ANKRD36C: variants seen among roughly 807,000 people sequenced by gnomAD.
ANKRD36C encodes the protein ankyrin repeat domain 36C.
ANKRD36C carries 61 observed loss-of-function variants against 276.4 expected under a neutral mutation model. The observed-to-expected ratio is 0.22, with a 90% CI of 0.18 to 0.27. ANKRD36C has a LOEUF of 0.27. Ranked by LOEUF, ANKRD36C falls within the 10% of genes least tolerant of loss-of-function variation. ANKRD36C has a pLI of 1.00. For missense variants in ANKRD36C, 1,447 were observed against 2,032.3 expected (o/e 0.71, Z 5.54); for synonymous variants, 483 against 680.1 (o/e 0.71, Z 4.51).
At chr2:95,964,631 T>C (rs1458925189) in intron 6 of ANKRD36C, among the ~76,000 whole-genome samples, 7 of 152,188 alleles carry the variant, frequency 4.6e-5, no homozygotes, top group Middle Eastern at 3.4e-3. Flanking sequence ...AGCAGCCCCA[T>C]GGCTTCCTCT....
chr2:95,988,162 AAAC>A (rs1017181595), intron 1 of ANKRD36C, among the ~76,000 whole-genome samples: 1 of 151,854 alleles, frequency 6.6e-6, no homozygotes, highest in African/African-American at 2.4e-5. Flanking sequence ...AAAAAAAAAA[AAAC>A]AACAAATTTT....
intron 42 of ANKRD36C, among the ~76,000 whole-genome samples, chr2:95,909,305 T>C (rs568901273): frequency 1.3e-4 from 10 of 74,880 alleles, no homozygotes; most frequent in African/African-American, 5.3e-4. Flanking sequence ...TCTGCCTAAG[T>C]TTCTTGTATC....
At chr2:95,888,788 A>C (rs1676264267) in intron 48 of ANKRD36C, among the ~76,000 whole-genome samples, 1 of 151,680 alleles carries the variant, frequency 6.6e-6, no homozygotes, top group East Asian at 1.9e-4. Flanking sequence ...CCAAAGGATA[A>C]TATATTAGCC....
In ANKRD36C at chr2:95,902,442, G is replaced by C. The variant is rs563971644; in HGVS notation, c.2654-3106C>G. ...CTGCCTCACAATCCGTCTCCCTTAG[G>C]AAAATAGTTGCTACACCAGGGGTCT... On this transcript the variant is annotated intron_variant, in intron 42 of 66. Coordinates refer to ENST00000456556, the Ensembl canonical transcript of ANKRD36C. Among the ~76,000 whole-genome samples, 9 of 150,228 alleles carry C rather than the reference G, an allele frequency of 6.0e-5. 2 individuals carry two copies. The highest frequency in any genetic ancestry group is 2.0e-4 in the African/African-American group (8 of 40,868).
chr2:95,903,562 G>A (rs1322606955), intron 42 of ANKRD36C, among the ~76,000 whole-genome samples: 1 of 151,496 alleles, frequency 6.6e-6, no homozygotes, highest in Non-Finnish European at 1.5e-5. Flanking sequence ...CAATTCAGTT[G>A]AACGTACACT....
At chr2:95,849,292 T>C (rs1573712319), downstream of ANKRD36C, among the ~76,000 whole-genome samples, 1 of 152,178 alleles carries the variant, frequency 6.6e-6, no homozygotes, top group Non-Finnish European at 1.5e-5. Context: ...ACTCCTGACC[T>C]CAAGTGGTCC....
At chr2:95,878,843 C>G (rs753035820) in intron 58 of ANKRD36C, among the ~76,000 whole-genome samples, 1 of 152,006 alleles carries the variant, frequency 6.6e-6, no homozygotes, top group Admixed American at 6.6e-5. Context: ...AAAGCAGAAC[C>G]CTCGTACACC....
In ANKRD36C at chr2:95,916,176, A is replaced by G. The variant is rs1489676856; in HGVS notation, c.2348-5T>C. The G allele has an allele frequency of 6.2e-7, 1 of 1,604,508 alleles. No homozygotes were observed. On this transcript the variant is annotated splice_polypyrimidine_tract_variant and splice_region_variant and intron_variant, in intron 36 of 66. Coordinates refer to ENST00000456556, the Ensembl canonical transcript of ANKRD36C. The stretch of plus-strand genomic sequence containing the variant: ...CTGGTTTTTTCCGAGAAGACACTGA[A>G]AAGCAAAAGGGACACGTAATCACTC...
At chr2:95,893,396 C>T (rs952949171) in intron 44 of ANKRD36C, 137 bp downstream of exon 64, 5 of 1,262,502 alleles carry the variant, frequency 4.0e-6, no homozygotes, top group Admixed American at 4.5e-5. Flanking sequence ...CACCCAAGAA[C>T]TTACTACAAA....
chr2:95,985,868 G>T (rs1679016565), intron 3 of ANKRD36C, among the ~76,000 whole-genome samples: 1 of 151,978 alleles, frequency 6.6e-6, no homozygotes, highest in Non-Finnish European at 1.5e-5. Context: ...TATAAGCTCC[G>T]TATCTCCCAC....
At chr2:95,923,861 C>T (rs1677340473) in intron 30 of ANKRD36C, among the ~76,000 whole-genome samples, 172 bp from the exon 31 acceptor site, 3 of 151,444 alleles carry the variant, frequency 2.0e-5, no homozygotes, top group Non-Finnish European at 4.4e-5. Flanking sequence ...AAAAGAAATA[C>T]AGGTTTCACA....
chr2:95,988,736 C>T (rs1679080759), intron 1 of ANKRD36C, among the ~76,000 whole-genome samples: 1 of 152,090 alleles, frequency 6.6e-6, no homozygotes, highest in Non-Finnish European at 1.5e-5. Context: ...AAATTGTTTG[C>T]TTATATGTAA....
intron 60 of ANKRD36C, among the ~76,000 whole-genome samples, chr2:95,860,569 T>C (rs1675551109): frequency 6.6e-6 from 1 of 152,118 alleles, no homozygotes. Context: ...TCTGAATGAA[T>C]AAAAAACAAA....
exon 45 of ANKRD36C, chr2:95,891,843 A>C (rs1045190189): frequency 1.7e-5 from 26 of 1,563,102 alleles, no homozygotes; most frequent in Non-Finnish European, 2.1e-5. Context: ...TTCAAGCCTG[A>C]TGGTTTCTCA....
chr2:95,958,002 C>T (rs1293625653), intron 12 of ANKRD36C, among the ~76,000 whole-genome samples: 1 of 152,196 alleles, frequency 6.6e-6, no homozygotes, highest in Non-Finnish European at 1.5e-5. Flanking sequence ...CCAGGAGCAG[C>T]CAAAATCAAA....
intron 42 of ANKRD36C, among the ~76,000 whole-genome samples, chr2:95,902,095 T>G (rs1442984882): frequency 6.8e-6 from 1 of 146,852 alleles, no homozygotes; most frequent in Admixed American, 6.7e-5. Flanking sequence ...CTAAAGAAGT[T>G]TCATTAAATA....
chr2:95,853,601 T>TA (rs879596002), intron 64 of ANKRD36C, 108 bp downstream of exon 84: 145 of 1,152,266 alleles, frequency 1.3e-4, no homozygotes, highest in Non-Finnish European at 1.7e-4. Flanking sequence ...TTAATTATCA[T>TA]AAAAATACAA....
intron 26 of ANKRD36C, among the ~76,000 whole-genome samples, chr2:95,928,440 C>T (rs1324188919): frequency 6.6e-6 from 1 of 151,440 alleles, no homozygotes; most frequent in African/African-American, 2.4e-5. Context: ...TGGTTTATCC[C>T]GATTCTAGCA....
intron 54 of ANKRD36C, among the ~76,000 whole-genome samples, chr2:95,883,841 A>G (rs1400504771): frequency 1.3e-5 from 2 of 151,968 alleles, no homozygotes; most frequent in African/African-American, 4.8e-5. Context: ...TGTAAAATCT[A>G]TACTTCATCT....
Sources: gnomAD v4.1 joint callset for allele counts (sites outside exome capture counted in the v4.1 genomes callset) on GRCh38, gnomAD v4.1.1 for gene constraint, MANE v1.5 for transcripts, NCBI Gene and HGNC (gene_info 2026-07-23, HGNC 2026-07-21) for gene names.